SGCZ: variants seen among roughly 807,000 people sequenced by gnomAD.
SGCZ encodes the protein zeta-sarcoglycan.
SGCZ carries 40 observed loss-of-function variants against 41.3 expected under a neutral mutation model. The ratio of observed to expected loss-of-function variants is 0.97; its 90% CI spans 0.75 to 1.26. The LOEUF is 1.26. Among genes scored for constraint, SGCZ ranks in the 50% most tolerant of loss-of-function variants. SGCZ has a pLI of 0.00. For synonymous variants in SGCZ, 206 were observed against 137.5 expected, an observed-to-expected ratio of 1.50 and a Z score of -3.49; for missense variants, 552 against 369.8, an observed-to-expected ratio of 1.49 and a Z score of -4.04.
intron 2 of SGCZ, among the ~76,000 whole-genome samples, chr8:14,434,454 T>C (rs1305486754): frequency 6.6e-6 from 1 of 152,186 alleles, no homozygotes; most frequent in Non-Finnish European, 1.5e-5. Flanking sequence ...ATGTCGGCTG[T>C]TTTTGGGTTC....
chr8:14,704,065 G>A (rs377205560), intron 1 of SGCZ, among the ~76,000 whole-genome samples: 2 of 151,996 alleles, frequency 1.3e-5, no homozygotes, highest in East Asian at 3.8e-4. Flanking sequence ...AATGTTGGAT[G>A]TATCAGCATA....
At chr8:15,209,419 T>G (rs1006258909) in intron 1 of SGCZ, among the ~76,000 whole-genome samples, 1 of 151,556 alleles carries the variant, frequency 6.6e-6, no homozygotes, top group Non-Finnish European at 1.5e-5. Context: ...ATCTCTTCTT[T>G]CATTTATTTT....
In SGCZ at chr8:14,515,268, A is replaced by C. The variant is rs2898390; in HGVS notation, c.234+39464T>G. ...GGTTTCTGCACTCACTGACTTATTT[A>C]AGTTTGTGCTCCTGCTGTATTTTTG... is the stretch of plus-strand genomic sequence containing the variant. On this transcript the variant is annotated intron_variant, in intron 2 of 7. Transcript: ENST00000382080. 9.5e-3 allele frequency among the ~76,000 whole-genome samples: 1,444 copies of C among 152,140 alleles called. 27 individuals carry two copies. Among genetic ancestry groups the C allele is most frequent in the African/African-American group, 0.032 (1,340 of 41,534 alleles).
intron 5 of SGCZ, among the ~76,000 whole-genome samples, chr8:14,125,655 G>T (rs773391501): frequency 6.6e-6 from 1 of 152,140 alleles, no homozygotes; most frequent in South Asian, 2.1e-4. Context: ...AACCAGAAAA[G>T]AACCCTTATA....
chr8:14,119,338 T>G (rs976407470), intron 5 of SGCZ, among the ~76,000 whole-genome samples: 1 of 151,918 alleles, frequency 6.6e-6, no homozygotes, highest in Non-Finnish European at 1.5e-5. Flanking sequence ...TGAATGGGAG[T>G]TGACTCATGA....
At chr8:14,612,765 C>A (rs1002695059) in intron 1 of SGCZ, among the ~76,000 whole-genome samples, 1 of 152,128 alleles carries the variant, frequency 6.6e-6, no homozygotes, top group Non-Finnish European at 1.5e-5. Context: ...CTGCTCATTG[C>A]AACCTCCACC....
chr8:14,206,428 A>T (rs10089915), intron 4 of SGCZ, among the ~76,000 whole-genome samples: 112,421 of 152,134 alleles, frequency 0.74, 42,317 homozygotes, highest in African/African-American at 0.86. Context: ...GAGTACACAC[A>T]AAACTATTCA....
chr8:14,306,428 G>A (rs1159567772), intron 3 of SGCZ, among the ~76,000 whole-genome samples: 1 of 152,048 alleles, frequency 6.6e-6, no homozygotes, highest in Non-Finnish European at 1.5e-5. Flanking sequence ...GTAAAGCACT[G>A]GGAAATATTG....
intron 3 of SGCZ, among the ~76,000 whole-genome samples, chr8:14,301,851 T>A (rs911569600): frequency 1.3e-5 from 2 of 152,176 alleles, no homozygotes; most frequent in Non-Finnish European, 2.9e-5. Flanking sequence ...TTTTAGAAAA[T>A]GGGGATTTTT....
chr8:14,371,716 A>G (rs1316774832), intron 2 of SGCZ, among the ~76,000 whole-genome samples: 2 of 152,116 alleles, frequency 1.3e-5, no homozygotes, highest in African/African-American at 4.8e-5. Flanking sequence ...GAAGTCAGTA[A>G]CCTGGAGGTT....
At chr8:14,503,227 A>G (rs948502576) in intron 2 of SGCZ, among the ~76,000 whole-genome samples, 2 of 152,104 alleles carry the variant, frequency 1.3e-5, no homozygotes, top group South Asian at 2.1e-4. Flanking sequence ...GTTCTCACTC[A>G]TAAGTGGGAG....
At chr8:15,087,616 G>A (rs1158866645) in intron 1 of SGCZ, among the ~76,000 whole-genome samples, 2 of 152,110 alleles carry the variant, frequency 1.3e-5, no homozygotes, top group Admixed American at 6.6e-5. Context: ...GTGTACTAAA[G>A]AGCTTGTCGA....
intron 1 of SGCZ, among the ~76,000 whole-genome samples, chr8:14,970,906 T>C (rs1305335796): frequency 6.6e-6 from 1 of 152,182 alleles, no homozygotes; most frequent in Non-Finnish European, 1.5e-5. Context: ...ATGCTAACAA[T>C]GTTGTATCTT....
intron 2 of SGCZ, among the ~76,000 whole-genome samples, chr8:14,498,700 T>C (rs1480654456): frequency 2.0e-5 from 3 of 152,090 alleles, no homozygotes; most frequent in Non-Finnish European, 4.4e-5. Context: ...TTGATTAAAA[T>C]TGAATATGTT....
At chr8:14,639,125 T>TA (rs1806935143) in intron 1 of SGCZ, among the ~76,000 whole-genome samples, 2 of 150,262 alleles carry the variant, frequency 1.3e-5, no homozygotes, top group African/African-American at 4.9e-5. Flanking sequence ...TGGCTCACTG[T>TA]AACCTTGCCT....
At chr8:14,635,049 T>C (rs1379006267) in intron 1 of SGCZ, among the ~76,000 whole-genome samples, 2 of 147,358 alleles carry the variant, frequency 1.4e-5, no homozygotes, top group Non-Finnish European at 3.0e-5. Context: ...TTGATTTATA[T>C]TGAAATAGTA....
chr8:15,046,709 C>G (rs1476883292), intron 1 of SGCZ, among the ~76,000 whole-genome samples: 2 of 151,760 alleles, frequency 1.3e-5, no homozygotes, highest in Non-Finnish European at 2.9e-5. Context: ...TGCTTCTAGC[C>G]CCTTTCAGCA....
intron 1 of SGCZ, among the ~76,000 whole-genome samples, chr8:15,105,660 C>T (rs1031492): frequency 0.19 from 28,968 of 152,070 alleles, 3,195 homozygotes; most frequent in East Asian, 0.47. Flanking sequence ...ATCATGAGAT[C>T]TGGGCAGGGA....
intron 5 of SGCZ, among the ~76,000 whole-genome samples, chr8:14,151,376 T>C (rs530528076): frequency 6.6e-6 from 1 of 152,106 alleles, no homozygotes; most frequent in Admixed American, 6.5e-5. Context: ...AATTAAAAAT[T>C]TATCAGAACA....
Sources: gnomAD v4.1 joint callset for allele counts (sites outside exome capture counted in the v4.1 genomes callset) on GRCh38, gnomAD v4.1.1 for gene constraint, MANE v1.5 for transcripts, NCBI Gene and HGNC (gene_info 2026-07-23, HGNC 2026-07-21) for gene names.